The following CTNNA2 variants were observed in gnomAD, a reference collection of about 807,000 sequenced individuals.
CTNNA2 encodes the protein catenin alpha-2.
A neutral mutation model predicts 101.0 loss-of-function variants in CTNNA2; 42 were observed. The observed-to-expected ratio is 0.42, with a 90% confidence interval of 0.32 to 0.54. CTNNA2 has a LOEUF of 0.54. CTNNA2 is among the 20% of genes least tolerant of loss of function. The pLI, the probability that CTNNA2 is intolerant of heterozygous loss-of-function variation, is 0.14. For missense variants in CTNNA2, 871 were observed against 1,223.1 expected (o/e 0.71, Z 4.29); for synonymous variants, 450 against 456.4 (o/e 0.99, Z 0.18).
chr2:80,280,192 A>G (rs537363872), intron 7 of CTNNA2, among the ~76,000 whole-genome samples: 2 of 149,784 alleles, frequency 1.3e-5, no homozygotes, highest in East Asian at 4.2e-4. Context: ...ATGAATTATT[A>G]TTATTGGCAC....
intron 7 of CTNNA2, among the ~76,000 whole-genome samples, chr2:79,924,592 C>T (rs985253034): frequency 2.0e-5 from 3 of 152,076 alleles, no homozygotes; most frequent in Non-Finnish European, 4.4e-5. Context: ...AGATTTCTTC[C>T]ATCGCTACGT....
chr2:80,056,197 G>A lies in CTNNA2; in HGVS notation c.1056+146400G>A, dbSNP rs555044470. Among the ~76,000 whole-genome samples the A allele has an allele frequency of 1.2e-4, 18 of 152,160 alleles. 1 individual carries two copies. In the South Asian group the frequency reaches 3.1e-3, roughly 26 times the overall value. On this transcript the variant is annotated intron_variant, in intron 7 of 18. Transcript: ENST00000402739. Reference sequence around the variant, plus strand: ...TCGTCTCTAGCCTTCTCTTGCTGGCGGAAAGAGAAAAAGCATGAGAGAGGC... The same window carrying A: ...TCGTCTCTAGCCTTCTCTTGCTGGCAGAAAGAGAAAAAGCATGAGAGAGGC...
intron 9 of CTNNA2, among the ~76,000 whole-genome samples, chr2:80,537,048 A>T (rs1366576028): frequency 6.6e-6 from 1 of 152,010 alleles, no homozygotes. Context: ...TGCATTAGGT[A>T]TTTGTCCTAA....
intron 4 of CTNNA2, among the ~76,000 whole-genome samples, chr2:79,382,683 G>A (rs898871345): frequency 4.6e-5 from 7 of 151,968 alleles, no homozygotes; most frequent in African/African-American, 7.3e-5. Context: ...GCACAATCTC[G>A]GCTCCCTGCA....
intron 7 of CTNNA2, among the ~76,000 whole-genome samples, chr2:79,948,889 AC>A (rs1205864269): frequency 2.0e-5 from 3 of 152,020 alleles, no homozygotes; most frequent in Admixed American, 2.0e-4. Flanking sequence ...AATGGCGTGA[AC>A]CCGGGAGGCG....
At chr2:79,745,989 T>C (rs1671618072) in intron 3 of CTNNA2, among the ~76,000 whole-genome samples, 1 of 152,190 alleles carries the variant, frequency 6.6e-6, no homozygotes, top group Admixed American at 6.5e-5. Flanking sequence ...CTGTTTTCCA[T>C]AGTGGCTGCA....
At chr2:79,565,586 T>C (rs566356620) in intron 1 of CTNNA2, among the ~76,000 whole-genome samples, 1 of 152,214 alleles carries the variant, frequency 6.6e-6, no homozygotes, top group South Asian at 2.1e-4. Flanking sequence ...ATTTAAGCAA[T>C]TATTCAGGAG....
At chr2:80,367,163 C>A (rs1037143242) in intron 7 of CTNNA2, among the ~76,000 whole-genome samples, 7 of 152,018 alleles carry the variant, frequency 4.6e-5, no homozygotes, top group African/African-American at 1.7e-4. Flanking sequence ...GGTAGTGGGA[C>A]CCCAAGATTT....
chr2:79,758,398 G>A lies in CTNNA2; in HGVS notation c.298+13816G>A, dbSNP rs566627505. 3.9e-5 allele frequency among the ~76,000 whole-genome samples: 6 copies of A among 152,250 alleles called. No homozygotes were observed. In the South Asian group the frequency reaches 6.2e-4, roughly 16 times the overall value. ...TCTCAGAAACCAAGGCTGGGCAAGC[G>A]TGCTTCTAGATGTGACTCTTCTTTT... On this transcript the variant is annotated intron_variant, in intron 3 of 18. Coordinates refer to ENST00000402739, the MANE Select transcript of CTNNA2 (RefSeq NM_001282597.3).
At chr2:79,500,200 T>C (rs1671304233) in intron 4 of CTNNA2, among the ~76,000 whole-genome samples, 1 of 152,240 alleles carries the variant, frequency 6.6e-6, no homozygotes, top group Admixed American at 6.5e-5. Context: ...AAAGCCCCTA[T>C]TGAAAAATTC....
intron 1 of CTNNA2, among the ~76,000 whole-genome samples, chr2:79,518,790 G>C (rs190887905): frequency 6.6e-6 from 1 of 152,116 alleles, no homozygotes; most frequent in African/African-American, 2.4e-5. Context: ...AATTGTTTCC[G>C]GGAAAGGGTA....
chr2:80,562,253 A>G (rs560796435), intron 12 of CTNNA2, among the ~76,000 whole-genome samples: 6 of 151,348 alleles, frequency 4.0e-5, no homozygotes, highest in Admixed American at 1.3e-4. Flanking sequence ...TTCTCCCACA[A>G]TTCAGACATG....
chr2:80,190,010 A>G (rs1284329774), intron 7 of CTNNA2, among the ~76,000 whole-genome samples: 1 of 136,740 alleles, frequency 7.3e-6, no homozygotes, highest in African/African-American at 3.4e-5. Flanking sequence ...GGGGAAATCC[A>G]TGAAAAAAAA....
intron 3 of CTNNA2, among the ~76,000 whole-genome samples, chr2:79,814,274 G>A (rs1677288285): frequency 6.6e-6 from 1 of 152,098 alleles, no homozygotes; most frequent in Non-Finnish European, 1.5e-5. Flanking sequence ...GGTACAGGTG[G>A]TATTTGGTTA....
intron 8 of CTNNA2, among the ~76,000 whole-genome samples, chr2:80,414,443 C>A (rs1462507599): frequency 6.6e-6 from 1 of 152,184 alleles, no homozygotes; most frequent in Non-Finnish European, 1.5e-5. Context: ...TCTGTCAGAT[C>A]TTTTCTTTGC....
chr2:79,499,647 T>C (rs545956005), intron 4 of CTNNA2, among the ~76,000 whole-genome samples: 1 of 152,302 alleles, frequency 6.6e-6, no homozygotes, highest in East Asian at 1.9e-4. Context: ...CTGATGCTCG[T>C]CTCTCACTCA....
Position 79,874,335 on chromosome 2 carries a change from A to T in CTNNA2, c.845A>T (p.Glu282Val), listed in dbSNP as rs759256794. 2.5e-6 allele frequency: 4 copies of T among 1,613,348 alleles called. No homozygotes were observed. The highest frequency in any genetic ancestry group is 3.4e-6 in the Non-Finnish European group (4 of 1,179,884). The change falls in exon 6 of 19, where the codon GAG becomes GTG. Residue 282 changes from glutamate to valine, a missense_variant. Around this residue, in one of 5 missense-constraint regions of CTNNA2, gnomAD observed 647 missense variants for 831.5 expected, o/e 0.78. Coordinates refer to ENST00000402739, the MANE Select transcript of CTNNA2 (RefSeq NM_001282597.3). ...GIGELAAALN[E>V]FDNKIILDPM... ...GGCGAGCTGGCTGCGGCTCTTAATGAGTTTGACGTAAGCATCCTGGTGAGG... is the reference window on the plus strand; with the variant it reads ...GGCGAGCTGGCTGCGGCTCTTAATGTGTTTGACGTAAGCATCCTGGTGAGG...
intron 7 of CTNNA2, among the ~76,000 whole-genome samples, chr2:80,366,323 C>A (rs1674928194): frequency 6.6e-6 from 1 of 152,096 alleles, no homozygotes; most frequent in East Asian, 1.9e-4. Flanking sequence ...CAGGGTTAAT[C>A]AAGTTAAACA....
chr2:80,586,658 T>C (rs1313465815), intron 14 of CTNNA2: 3 of 152,238 alleles, frequency 2.0e-5, no homozygotes, highest in African/African-American at 4.8e-5. Context: ...CAATAAACTC[T>C]TGTATATCAA....
Sources: gnomAD v4.1 joint callset for allele counts (sites outside exome capture counted in the v4.1 genomes callset) on GRCh38, gnomAD v4.1.1 for gene constraint, gnomAD v4.1.1 regional missense constraint, MANE v1.5 for transcripts, NCBI Gene and HGNC (gene_info 2026-07-23, HGNC 2026-07-21) for gene names.